NREP: variants seen among roughly 807,000 people sequenced by gnomAD.
The protein encoded by NREP is neuronal regeneration-related protein.
NREP carries 5 observed loss-of-function variants against 8.6 expected under a neutral mutation model. The ratio of observed to expected loss-of-function variants is 0.58; its 90% CI spans 0.30 to 1.22. The LOEUF (loss-of-function observed/expected upper bound fraction) is 1.22, where lower values mean the gene tolerates loss of function less well. Among genes scored for constraint, NREP ranks in the 50% most tolerant of loss-of-function variants. The probability of loss-of-function intolerance (pLI) is 0.07; values close to 1 mark genes in which losing one functional copy is unlikely to be tolerated. For synonymous variants in NREP, 27 were observed against 28.0 expected (o/e 0.96, Z 0.11); for missense variants, 86 against 82.5 (o/e 1.04, Z -0.17).
intron 2 of NREP, among the ~76,000 whole-genome samples, chr5:111,788,068 G>T (rs541378176): frequency 1.3e-5 from 2 of 152,132 alleles, no homozygotes; most frequent in South Asian, 2.1e-4. Context: ...TCCACCCTGG[G>T]TAACAAAGCA....
At chr5:111,841,571 T>G (rs1753030970) in intron 2 of NREP, among the ~76,000 whole-genome samples, 1 of 152,148 alleles carries the variant, frequency 6.6e-6, no homozygotes, top group African/African-American at 2.4e-5. Flanking sequence ...CAGATGAGAC[T>G]AGAAGGGTAG....
chr5:111,944,528 G>C (rs1311380348), intron 2 of NREP, among the ~76,000 whole-genome samples: 1 of 152,062 alleles, frequency 6.6e-6, no homozygotes, highest in East Asian at 1.9e-4. Flanking sequence ...AGGTGGTCTT[G>C]AACTCCTGAG....
At chr5:111,920,650 G>A (rs568179432) in intron 2 of NREP, among the ~76,000 whole-genome samples, 8 of 152,144 alleles carry the variant, frequency 5.3e-5, no homozygotes, top group Non-Finnish European at 8.8e-5. Flanking sequence ...ACAAGCTGGT[G>A]TGGAGGGGTG....
chr5:111,953,185 AACCAATGCATC>A, intron 2 of NREP, among the ~76,000 whole-genome samples: 1 of 152,078 alleles, frequency 6.6e-6, no homozygotes, highest in East Asian at 1.9e-4. Flanking sequence ...AATTTCCTTC[AACCAATGCATC>A]ACCTTGCAGG....
intron 2 of NREP, among the ~76,000 whole-genome samples, chr5:111,898,346 G>C (rs1294697793): frequency 6.6e-6 from 1 of 152,170 alleles, no homozygotes; most frequent in Non-Finnish European, 1.5e-5. Flanking sequence ...TTTAGAGATA[G>C]AGACGAGATT....
In NREP at chr5:111,730,997, G is replaced by A; in HGVS notation, c.131C>T (p.Thr44Ile). The change falls in exon 4 of 4, where the codon ACA becomes ATA. Residue 44 changes from threonine to isoleucine, a missense_variant. By Grantham distance (89) the Thr-to-Ile change is moderately conservative. Transcript: ENST00000257435. ...KEVNRKKNDE[T>I]NAASLTPLGS... Reference sequence around the variant, plus strand: ...CAGTGGAGTCAGGGAGGCAGCGTTTGTCTCATCGTTCTTCTTGCGGTTCAC... The same window carrying A: ...CAGTGGAGTCAGGGAGGCAGCGTTTATCTCATCGTTCTTCTTGCGGTTCAC... 6.2e-7 allele frequency: 1 copy of A among 1,613,958 alleles called. No individual in the cohort carries two copies.
At chr5:111,878,792 C>G (rs1026900622) in intron 2 of NREP, among the ~76,000 whole-genome samples, 1 of 152,170 alleles carries the variant, frequency 6.6e-6, no homozygotes, top group Admixed American at 6.5e-5. Context: ...TGTAACCAAG[C>G]AAGGGCTCTG....
intron 2 of NREP, among the ~76,000 whole-genome samples, chr5:111,850,997 G>A (rs1253567443): frequency 6.6e-6 from 1 of 152,114 alleles, no homozygotes; most frequent in Non-Finnish European, 1.5e-5. Flanking sequence ...ATTCACATCT[G>A]GAGGTTATTG....
intron 2 of NREP, among the ~76,000 whole-genome samples, chr5:111,785,156 T>C (rs190618335): frequency 1.6e-4 from 25 of 152,352 alleles, no homozygotes; most frequent in Admixed American, 1.6e-3. Context: ...CTGTTTCATT[T>C]CTTCCTTTAG....
chr5:111,925,001 T>G (rs184677866), intron 2 of NREP, among the ~76,000 whole-genome samples: 1 of 152,186 alleles, frequency 6.6e-6, no homozygotes, highest in Non-Finnish European at 1.5e-5. Flanking sequence ...CAGCTACAAC[T>G]AAGGGGTTGA....
intron 2 of NREP, among the ~76,000 whole-genome samples, chr5:111,957,308 A>C (rs1182937534): frequency 6.6e-6 from 1 of 151,998 alleles, no homozygotes; most frequent in Non-Finnish European, 1.5e-5. Flanking sequence ...TAAAATGGGA[A>C]ATTTTCTGGA....
At chr5:111,835,183 C>T (rs1402564780) in intron 2 of NREP, among the ~76,000 whole-genome samples, 3 of 152,128 alleles carry the variant, frequency 2.0e-5, no homozygotes, top group South Asian at 2.1e-4. Flanking sequence ...CTGCCCTTGC[C>T]AGGGCTAGCC....
chr5:111,774,228 G>T (rs1348299259), intron 2 of NREP, among the ~76,000 whole-genome samples: 1 of 150,054 alleles, frequency 6.7e-6, no homozygotes, highest in Non-Finnish European at 1.5e-5. Flanking sequence ...AAGGAAGAAG[G>T]GAGGGAAGGA....
chr5:111,931,540 TACA>T (rs1470204237), intron 2 of NREP, among the ~76,000 whole-genome samples: 1 of 152,138 alleles, frequency 6.6e-6, no homozygotes, highest in Non-Finnish European at 1.5e-5. Context: ...ACATTCTGAC[TACA>T]ACATCATAAG....
intron 2 of NREP, among the ~76,000 whole-genome samples, chr5:111,804,934 G>C (rs1308046077): frequency 6.6e-6 from 1 of 152,222 alleles, no homozygotes; most frequent in Non-Finnish European, 1.5e-5. Flanking sequence ...CCGGGAGGCA[G>C]AGCTTGCAGT....
chr5:111,853,904 A>G (rs1040429882), intron 2 of NREP, among the ~76,000 whole-genome samples: 13 of 152,126 alleles, frequency 8.5e-5, no homozygotes, highest in Non-Finnish European at 1.8e-4. Flanking sequence ...CTTGCGCACC[A>G]TGATTCAGCC....
At chr5:111,902,582 A>G (rs1305172022) in intron 2 of NREP, among the ~76,000 whole-genome samples, 1 of 152,178 alleles carries the variant, frequency 6.6e-6, no homozygotes, top group Non-Finnish European at 1.5e-5. Flanking sequence ...TTCAAGAGCA[A>G]AGGTCATGAC....
At chr5:111,771,226 T>C (rs574929709) in intron 2 of NREP, among the ~76,000 whole-genome samples, 2 of 152,266 alleles carry the variant, frequency 1.3e-5, no homozygotes, top group African/African-American at 4.8e-5. Context: ...AGGTACATTT[T>C]CAGAAGTAGT....
At chr5:111,794,751 G>A (rs1174013849) in intron 2 of NREP, among the ~76,000 whole-genome samples, 1 of 152,116 alleles carries the variant, frequency 6.6e-6, no homozygotes, top group African/African-American at 2.4e-5. Context: ...CTATCATGAT[G>A]GATATATGCC....
Sources: gnomAD v4.1 joint callset for allele counts (sites outside exome capture counted in the v4.1 genomes callset) on GRCh38, gnomAD v4.1.1 for gene constraint, MANE v1.5 for transcripts, NCBI Gene and HGNC (gene_info 2026-07-23, HGNC 2026-07-21) for gene names.